Variants in RAB27A observed in about 807,000 individuals in gnomAD.
RAB27A encodes the protein RAB27A, member RAS oncogene family.
A neutral mutation model predicts 20.8 loss-of-function variants in RAB27A; 17 were observed. The ratio of observed to expected loss-of-function variants is 0.82; its 90% confidence interval spans 0.56 to 1.23. The LOEUF (loss-of-function observed/expected upper bound fraction) is 1.23. Among genes scored for constraint, RAB27A ranks in the 50% most tolerant of loss-of-function variants. The pLI, the probability that RAB27A is intolerant of heterozygous loss-of-function variation, is 0.00. For missense variants in RAB27A, 277 were observed against 266.7 expected (o/e 1.04, Z -0.27); for synonymous variants, 85 against 92.8 (o/e 0.92, Z 0.48).
chr15:55,244,759 C>T (rs1023573216), intron 2 of RAB27A, among the ~76,000 whole-genome samples: 2 of 152,102 alleles, frequency 1.3e-5, no homozygotes, highest in Non-Finnish European at 2.9e-5. Context: ...AGAACATCAG[C>T]ATTTATGTGA....
chr15:55,272,783 G>A (rs1897747014), intron 1 of RAB27A, among the ~76,000 whole-genome samples: 1 of 152,188 alleles, frequency 6.6e-6, no homozygotes, highest in Non-Finnish European at 1.5e-5. Flanking sequence ...AGAAGCTACA[G>A]AGTAGATGGA....
chr15:55,245,351 G>A (rs1896647337), intron 2 of RAB27A, among the ~76,000 whole-genome samples: 1 of 152,190 alleles, frequency 6.6e-6, no homozygotes, highest in African/African-American at 2.4e-5. Context: ...TATAAACAAA[G>A]AGCTCATCTT....
At chr15:55,298,787 G>A (rs919357950) in intron 2 of RAB27A, among the ~76,000 whole-genome samples, 1 of 152,218 alleles carries the variant, frequency 6.6e-6, no homozygotes, top group Non-Finnish European at 1.5e-5. Flanking sequence ...ACCCCCAGGT[G>A]CGTATTCTCT....
At chr15:55,287,029 C>A (rs1378829577) in intron 1 of RAB27A, among the ~76,000 whole-genome samples, 1 of 150,078 alleles carries the variant, frequency 6.7e-6, no homozygotes, top group Admixed American at 6.7e-5. Flanking sequence ...AAGCGATTCT[C>A]CTGCCTCAGC....
At chr15:55,211,003 T>A (rs1392903439) in intron 6 of RAB27A, among the ~76,000 whole-genome samples, 1 of 152,188 alleles carries the variant, frequency 6.6e-6, no homozygotes, top group Non-Finnish European at 1.5e-5. Context: ...TTTCCCAGCA[T>A]CATTTATTGA....
chr15:55,260,276 A>T (rs1897227818), intron 2 of RAB27A, among the ~76,000 whole-genome samples: 1 of 152,208 alleles, frequency 6.6e-6, no homozygotes, highest in Non-Finnish European at 1.5e-5. Context: ...AATCCAAAAC[A>T]CTGACAACAT....
chr15:55,310,572 G>A (rs1294331043), intron 2 of RAB27A, among the ~76,000 whole-genome samples: 2 of 152,292 alleles, frequency 1.3e-5, no homozygotes, highest in South Asian at 2.1e-4. Flanking sequence ...GCCCTATTAG[G>A]CATTCGATTT....
At position 55,212,532 on chromosome 15, in the gene RAB27A, C is replaced by CTTTTT. The variant is rs59221045; in HGVS notation, c.468-6832_468-6828dup. Among the ~76,000 whole-genome samples the CTTTTT allele has an allele frequency of 1.0e-3, 134 of 134,034 alleles. 3 individuals carry two copies. Among genetic ancestry groups the CTTTTT allele is most frequent in the African/African-American group, 3.2e-3 (109 of 34,504 alleles). The allele number at this position is 134,034 out of a possible 152,430, so 87.9% of individuals were successfully genotyped here. A position where few individuals can be genotyped will look rare whatever the true frequency, so the allele number is the denominator to read the frequency against. ...ATCAAGTTGCTCAAGAGCAACAAAT[C>CTTTTT]TTTTTTTTTTTTTTTTTGAGACAGT... On this transcript the variant is annotated intron_variant, in intron 6 of 6. Transcript: ENST00000336787.
At chr15:55,274,998 C>A (rs1207364982) in intron 1 of RAB27A, among the ~76,000 whole-genome samples, 2 of 151,728 alleles carry the variant, frequency 1.3e-5, no homozygotes, top group East Asian at 1.9e-4. Flanking sequence ...CGCCTGTAAT[C>A]CCAGGACTTT....
At chr15:55,310,699 T>C (rs574961280) in intron 2 of RAB27A, among the ~76,000 whole-genome samples, 93 of 152,270 alleles carry the variant, frequency 6.1e-4, no homozygotes, top group African/African-American at 2.2e-3. Flanking sequence ...TCCTGATCTC[T>C]ATTATAAAAA....
chr15:55,242,863 T>C (rs1230934258), intron 2 of RAB27A, among the ~76,000 whole-genome samples: 2 of 152,188 alleles, frequency 1.3e-5, no homozygotes, highest in Non-Finnish European at 2.9e-5. Flanking sequence ...ACCAGCTAGT[T>C]AGACATGGGG....
chr15:55,265,936 C>T (rs997023557), intron 2 of RAB27A, among the ~76,000 whole-genome samples: 3 of 152,178 alleles, frequency 2.0e-5, no homozygotes, highest in African/African-American at 7.2e-5. Context: ...CAGAAGGCCA[C>T]CACGGGCTCT....
chr15:55,291,961 G>C (rs373976737), upstream of RAB27A, among the ~76,000 whole-genome samples: 9 of 152,206 alleles, frequency 5.9e-5, no homozygotes, highest in East Asian at 9.7e-4. Context: ...AGAAAGTTAA[G>C]GATAAACTTA....
chr15:55,308,792 A>G (rs940437161), intron 2 of RAB27A, among the ~76,000 whole-genome samples: 1 of 152,218 alleles, frequency 6.6e-6, no homozygotes, highest in Non-Finnish European at 1.5e-5. Flanking sequence ...AGCAGTCAGT[A>G]TGCCGTTCAC....
At chr15:55,210,248 G>C (rs928393619) in intron 6 of RAB27A, among the ~76,000 whole-genome samples, 3 of 101,280 alleles carry the variant, frequency 3.0e-5, no homozygotes, top group African/African-American at 5.6e-5. Context: ...TATATTAGTG[G>C]AGTTGCTGGA....
intron 1 of RAB27A, among the ~76,000 whole-genome samples, chr15:55,273,452 G>C (rs1344075079): frequency 6.6e-6 from 1 of 151,264 alleles, no homozygotes; most frequent in Non-Finnish European, 1.5e-5. Context: ...AAAAGACATA[G>C]AATGACAGAA....
At chr15:55,221,484 C>T (rs1895566953) in intron 6 of RAB27A, among the ~76,000 whole-genome samples, 1 of 152,126 alleles carries the variant, frequency 6.6e-6, no homozygotes, top group African/African-American at 2.4e-5. Context: ...AGCAGGGGGA[C>T]ATTTCAGACT....
Position 55,209,887 on chromosome 15 carries a change from T to C in RAB27A, c.468-4182A>G, listed in dbSNP as rs1378402344. ...ACATATATACATATATGTGTGTGTA[T>C]ACATATATACACATATGTGTGTGTA... On this transcript the variant is annotated intron_variant, in intron 6 of 6. Coordinates refer to ENST00000336787, the MANE Select transcript of RAB27A (RefSeq NM_183235.3). Among the ~76,000 whole-genome samples the C allele has an allele frequency of 1.9e-4, 22 of 117,184 alleles. 3 individuals are homozygous for C. The highest frequency in any genetic ancestry group is 7.2e-4 in the South Asian group (3 of 4,144). 76.9% of individuals were successfully genotyped at this position (117,184 alleles called of 152,430 possible).
Position 55,234,812 on chromosome 15 carries a change from T to G in RAB27A, c.123A>C (p.Thr41=). The part of the protein sequence containing the change: ...DGKFNSKFIT[T]VGIDFREKRV... ...TTTTTTCCCTGAAATCAATGCCCAC[T>G]GTTGTGATAAATTTGGAGTTAAATT... Residue 41 remains threonine, a synonymous_variant, in exon 3 of 7, where the codon ACA becomes ACC. Coordinates refer to ENST00000336787, the MANE Select transcript of RAB27A (RefSeq NM_183235.3). 2 of 1,611,970 alleles carry G rather than the reference T, an allele frequency of 1.2e-6. No homozygotes were observed. The highest frequency in any genetic ancestry group is 1.7e-6 in the Non-Finnish European group (2 of 1,178,266).
Sources: allele counts gnomAD v4.1 joint callset (sites outside exome capture counted in the v4.1 genomes callset), GRCh38; gene constraint gnomAD v4.1.1; transcripts MANE v1.5; gene names NCBI Gene and HGNC (gene_info 2026-07-23, HGNC 2026-07-21).